DCC: variants seen among roughly 807,000 people sequenced by gnomAD.
DCC encodes the protein netrin receptor DCC.
A neutral mutation model predicts 172.5 loss-of-function variants in DCC; 58 were observed. The ratio of observed to expected loss-of-function variants is 0.34; its 90% confidence interval spans 0.27 to 0.42. The LOEUF is 0.42. DCC is among the 10% of genes least tolerant of loss of function. The probability of loss-of-function intolerance (pLI) is 1.00; values close to 1 mark genes in which losing one functional copy is unlikely to be tolerated. For missense variants in DCC, 1,740 were observed against 1,791.0 expected, an observed-to-expected ratio of 0.97 and a Z score of 0.51; for synonymous variants, 709 against 644.5, an observed-to-expected ratio of 1.10 and a Z score of -1.52.
intron 1 of DCC, among the ~76,000 whole-genome samples, chr18:52,515,334 G>T (rs868535042): frequency 1.8e-4 from 28 of 152,100 alleles, no homozygotes; most frequent in Middle Eastern, 3.4e-3. Context: ...ACGGCTGGGT[G>T]TGGTGGCTCA....
In DCC at chr18:52,850,589, A is replaced by G. The variant is rs187336238; in HGVS notation, c.413-55455A>G. 9.3e-4 allele frequency among the ~76,000 whole-genome samples: 142 copies of G among 152,186 alleles called. 2 individuals are homozygous for G. In the East Asian group the frequency reaches 0.025, roughly 27 times the overall value. On this transcript the variant is annotated intron_variant, in intron 2 of 28. Transcript: ENST00000442544. ...GTAATGAACATTGTGTAGCATCTTG[A>G]AAAGACAAAGATTAATGCCTCCTTG...
intron 1 of DCC, among the ~76,000 whole-genome samples, chr18:52,725,964 G>A (rs2036545701): frequency 6.6e-6 from 1 of 152,016 alleles, no homozygotes; most frequent in African/African-American, 2.4e-5. Flanking sequence ...TTATTTATTA[G>A]GGGAAACAGA....
chr18:52,367,878 A>G (rs941486061), intron 1 of DCC, among the ~76,000 whole-genome samples: 3 of 152,216 alleles, frequency 2.0e-5, no homozygotes, highest in African/African-American at 7.2e-5. Context: ...TCTGCAATTG[A>G]GGCCCTTCCA....
At chr18:53,099,977 T>C (rs2043145635) in intron 7 of DCC, among the ~76,000 whole-genome samples, 1 of 137,276 alleles carries the variant, frequency 7.3e-6, no homozygotes, top group Non-Finnish European at 1.6e-5. Flanking sequence ...GACAGAGTCT[T>C]GCTTTGTTGC....
At chr18:52,989,512 A>G (rs150759060) in intron 5 of DCC, among the ~76,000 whole-genome samples, 2,597 of 152,276 alleles carry the variant, frequency 0.017, 33 homozygotes, top group Non-Finnish European at 0.026. Context: ...GACAAGAGGG[A>G]GACTCCGTCT....
chr18:53,353,936 C>T (rs750412315), intron 15 of DCC, among the ~76,000 whole-genome samples: 13 of 152,114 alleles, frequency 8.5e-5, no homozygotes, highest in African/African-American at 2.9e-4. Flanking sequence ...CGACAGGCCC[C>T]GGTGTGTGAT....
chr18:53,281,486 C>T (rs975339402), intron 12 of DCC, among the ~76,000 whole-genome samples: 12 of 152,114 alleles, frequency 7.9e-5, no homozygotes, highest in Admixed American at 2.6e-4. Flanking sequence ...CTGAATCAGA[C>T]GTAGGCCTTG....
At chr18:53,076,384 C>T (rs1230745537) in intron 7 of DCC, among the ~76,000 whole-genome samples, 1 of 152,022 alleles carries the variant, frequency 6.6e-6, no homozygotes, top group African/African-American at 2.4e-5. Context: ...ATATACTGGC[C>T]ATTGATCTAG....
At chr18:52,711,761 T>A (rs1028139831) in intron 1 of DCC, among the ~76,000 whole-genome samples, 2 of 152,212 alleles carry the variant, frequency 1.3e-5, no homozygotes, top group Non-Finnish European at 2.9e-5. Flanking sequence ...AGATGTCATC[T>A]TTGTGTTCCC....
intron 12 of DCC, among the ~76,000 whole-genome samples, chr18:53,282,422 C>G (rs921917080): frequency 1.3e-5 from 2 of 152,068 alleles, no homozygotes; most frequent in Non-Finnish European, 2.9e-5. Flanking sequence ...ACAGAAGAGG[C>G]AAGAAGGCTT....
intron 9 of DCC, among the ~76,000 whole-genome samples, chr18:53,192,766 T>C (rs2055384597): frequency 6.6e-6 from 1 of 152,192 alleles, no homozygotes; most frequent in African/African-American, 2.4e-5. Flanking sequence ...GACATCTCTG[T>C]ATACAGTGAA....
At chr18:53,179,652 C>T (rs546036930) in intron 9 of DCC, among the ~76,000 whole-genome samples, 5 of 152,114 alleles carry the variant, frequency 3.3e-5, no homozygotes, top group Non-Finnish European at 7.4e-5. Flanking sequence ...TCACTAGATT[C>T]AGCTATGTTT....
intron 7 of DCC, among the ~76,000 whole-genome samples, chr18:53,126,232 A>G (rs1355864366): frequency 2.0e-5 from 3 of 152,148 alleles, no homozygotes; most frequent in Admixed American, 6.5e-5. Context: ...GCATAGTAAC[A>G]TAAGACTTCT....
chr18:52,423,315 C>G (rs1418144721), intron 1 of DCC, among the ~76,000 whole-genome samples: 2 of 152,090 alleles, frequency 1.3e-5, no homozygotes, highest in Non-Finnish European at 2.9e-5. Flanking sequence ...TATCTTCAAA[C>G]TGGGGGATCT....
rs1223808787 is a variant in DCC at position 52,923,748 on chromosome 18, T to A, written c.739T>A (p.Ser247Thr). 1.2e-6 allele frequency: 2 copies of A among 1,611,646 alleles called. No individual in the cohort carries two copies. Among genetic ancestry groups the A allele is most frequent in the East Asian group, 2.2e-5 (1 of 44,838 alleles). Residue 247 changes from serine (S) to threonine (T), a missense_variant, in exon 4 of 29, where the codon TCC becomes ACC. This residue lies in a region of DCC where 1,732 missense variants were observed against 1,767.4 expected (regional missense o/e 0.98). Transcript: ENST00000442544. ...ACAGCTGTATTTTCTGCAAAGACCA[T>A]CCAATGTAGTAGCCATTGAAGGAAA... is the stretch of plus-strand genomic sequence containing the variant. The part of the protein sequence containing the change: ...HRQLYFLQRP[S>T]NVVAIEGKDA...
chr18:53,027,187 G>A (rs554294901), intron 5 of DCC, among the ~76,000 whole-genome samples: 1 of 152,124 alleles, frequency 6.6e-6, no homozygotes, highest in South Asian at 2.1e-4. Context: ...CTACTACACT[G>A]TAGTAGAATA....
At chr18:52,799,809 CT>C (rs1156309416) in intron 2 of DCC, among the ~76,000 whole-genome samples, 4 of 152,292 alleles carry the variant, frequency 2.6e-5, no homozygotes, top group African/African-American at 9.6e-5. Flanking sequence ...CTGTTAATAA[CT>C]AGCAATATAA....
chr18:52,880,136 T>C (rs558731592), intron 2 of DCC, among the ~76,000 whole-genome samples: 8 of 152,044 alleles, frequency 5.3e-5, no homozygotes, highest in African/African-American at 9.6e-5. Flanking sequence ...ATTCTTTTTT[T>C]TTTCTTTCTT....
At chr18:52,668,061 A>C (rs528201169) in intron 1 of DCC, among the ~76,000 whole-genome samples, 69 of 152,032 alleles carry the variant, frequency 4.5e-4, no homozygotes, top group Middle Eastern at 3.4e-3. Context: ...ACAACAACAA[A>C]AAAAAACAGT....
Sources: gnomAD v4.1 joint callset for allele counts (sites outside exome capture counted in the v4.1 genomes callset) on GRCh38, gnomAD v4.1.1 for gene constraint, gnomAD v4.1.1 regional missense constraint, MANE v1.5 for transcripts, NCBI Gene and HGNC (gene_info 2026-07-23, HGNC 2026-07-21) for gene names.